NHSL1: variants seen among roughly 807,000 people sequenced by gnomAD.
The protein encoded by NHSL1 is NHS-like protein 1.
NHSL1 carries 48 observed loss-of-function variants against 95.0 expected under a neutral mutation model. The ratio of observed to expected loss-of-function variants is 0.51; its 90% confidence interval spans 0.40 to 0.64. The LOEUF (loss-of-function observed/expected upper bound fraction) is 0.64. Among genes scored for constraint, NHSL1 ranks in the 30% least tolerant of loss-of-function variants. The pLI is 0.00. For missense variants in NHSL1, 1,971 were observed against 2,077.7 expected (o/e 0.95, Z 1.00); for synonymous variants, 783 against 833.9 (o/e 0.94, Z 1.05).
chr6:138,456,473 C>T (rs1777618847), intron 3 of NHSL1, among the ~76,000 whole-genome samples: 1 of 152,154 alleles, frequency 6.6e-6, no homozygotes, highest in Non-Finnish European at 1.5e-5. Context: ...TAACAGGAAA[C>T]AGGGAAATTT....
upstream of NHSL1, among the ~76,000 whole-genome samples, chr6:138,500,854 A>G (rs924757505): frequency 2.0e-4 from 31 of 152,128 alleles, no homozygotes; most frequent in African/African-American, 6.8e-4. Context: ...TATCATACAT[A>G]TTATCACAGA....
At chr6:138,475,675 G>A (rs1001476823) in intron 2 of NHSL1, among the ~76,000 whole-genome samples, 4 of 152,124 alleles carry the variant, frequency 2.6e-5, no homozygotes, top group African/African-American at 7.2e-5. Context: ...GCCGGGCATG[G>A]TGGCTCACAC....
intron 2 of NHSL1, among the ~76,000 whole-genome samples, chr6:138,475,942 A>C (rs898815665): frequency 1.3e-5 from 2 of 152,148 alleles, no homozygotes; most frequent in African/African-American, 4.8e-5. Context: ...CAGCCTGGGC[A>C]ACAGAGTGAG....
intron 1 of NHSL1, among the ~76,000 whole-genome samples, chr6:138,637,251 A>T (rs946195717): frequency 6.6e-6 from 1 of 152,126 alleles, no homozygotes; most frequent in Non-Finnish European, 1.5e-5. Flanking sequence ...ATCAAATCAA[A>T]GATTAAAGAC....
At chr6:138,465,724 CTTTTT>C (rs61271607) in intron 3 of NHSL1, among the ~76,000 whole-genome samples, 5,156 of 132,766 alleles carry the variant, frequency 0.039, 248 homozygotes, top group African/African-American at 0.13. Flanking sequence ...TTTTTCTTTT[CTTTTT>C]TTTTTTTTTT....
rs117528301 is a variant in NHSL1 at position 138,512,954 on chromosome 6, C to T, written c.17-16583G>A. Among the ~76,000 whole-genome samples, 932 of 152,336 alleles carry T rather than the reference C, an allele frequency of 6.1e-3. 22 individuals carry two copies. Among genetic ancestry groups the T allele is most frequent in the Admixed American group, 0.048 (729 of 15,298 alleles). Reference sequence around the variant, plus strand: ...TTCCTCCTGGTTTCCTAATAAAATGCACCTACCCTCAATCTGTTCGTGCTC... The same window carrying T: ...TTCCTCCTGGTTTCCTAATAAAATGTACCTACCCTCAATCTGTTCGTGCTC... On this transcript the variant is annotated intron_variant, in intron 1 of 4. Coordinates refer to the NHSL1 transcript ENST00000342260.
chr6:138,654,964 T>C (rs780540366), intron 1 of NHSL1, among the ~76,000 whole-genome samples: 2 of 152,174 alleles, frequency 1.3e-5, no homozygotes, highest in Admixed American at 1.3e-4. Flanking sequence ...TCTATAAGCT[T>C]TGATTTTTAA....
At chr6:138,581,520 C>T (rs369384739) in intron 1 of NHSL1, among the ~76,000 whole-genome samples, 11 of 151,718 alleles carry the variant, frequency 7.3e-5, no homozygotes, top group African/African-American at 9.7e-5. Context: ...GGTGAAACCC[C>T]GTCTCTACTG....
chr6:138,473,821 T>A (rs1282735033), intron 2 of NHSL1, among the ~76,000 whole-genome samples: 2 of 151,656 alleles, frequency 1.3e-5, no homozygotes, highest in Non-Finnish European at 2.9e-5. Flanking sequence ...GTTACCAGAT[T>A]ATGTGATGAT....
At chr6:138,682,919 C>T (rs186784259) in intron 1 of NHSL1, among the ~76,000 whole-genome samples, 1 of 152,210 alleles carries the variant, frequency 6.6e-6, no homozygotes, top group Admixed American at 6.5e-5. Flanking sequence ...CGAGGAAAGC[C>T]GAGGTGCAGG....
chr6:138,555,013 G>T (rs1397775198), intron 1 of NHSL1, among the ~76,000 whole-genome samples: 1 of 152,160 alleles, frequency 6.6e-6, no homozygotes, highest in African/African-American at 2.4e-5. Flanking sequence ...GTCTTTAAGA[G>T]TTTAAAAATA....
At chr6:138,638,752 T>G (rs967878384) in intron 1 of NHSL1, among the ~76,000 whole-genome samples, 2 of 152,198 alleles carry the variant, frequency 1.3e-5, no homozygotes, top group African/African-American at 4.8e-5. Context: ...TTGCACTAAC[T>G]TCCAACCCTC....
chr6:138,579,499 C>T lies in NHSL1; in HGVS notation c.97-83128G>A, dbSNP rs553980337. 5.3e-5 allele frequency among the ~76,000 whole-genome samples: 8 copies of T among 152,276 alleles called. No individual in the cohort carries two copies. In the East Asian group the frequency reaches 9.6e-4, roughly 18 times the overall value. ...CCATTCATATGGCCATACTGTTTCACTTTGGGAAGAAAGAAGCTTATTAAC... is the reference window on the plus strand; with the variant it reads ...CCATTCATATGGCCATACTGTTTCATTTTGGGAAGAAAGAAGCTTATTAAC... On this transcript the variant is annotated intron_variant, in intron 1 of 3. Coordinates refer to the NHSL1 transcript ENST00000491526.
intron 1 of NHSL1, among the ~76,000 whole-genome samples, chr6:138,587,491 G>A (rs1326318630): frequency 7.8e-6 from 1 of 127,948 alleles, no homozygotes. Context: ...GGCATCAAGA[G>A]CAAAACTCTG....
At chr6:138,483,292 G>A (rs570302746) in intron 2 of NHSL1, among the ~76,000 whole-genome samples, 3 of 152,162 alleles carry the variant, frequency 2.0e-5, no homozygotes, top group African/African-American at 7.2e-5. Context: ...GGGTTGGTCT[G>A]TTCTTTTTAT....
intron 7 of NHSL1, among the ~76,000 whole-genome samples, chr6:138,425,187 T>A (rs1435031271): frequency 6.6e-6 from 1 of 152,202 alleles, no homozygotes; most frequent in Admixed American, 6.5e-5. Context: ...GCCTCCCGGA[T>A]TCAAGCGATT....
chr6:138,542,540 C>A (rs539687290), intron 1 of NHSL1, among the ~76,000 whole-genome samples: 1 of 152,308 alleles, frequency 6.6e-6, no homozygotes, highest in Non-Finnish European at 1.5e-5. Context: ...CACACAAGCA[C>A]ATGATTTTGT....
At chr6:138,570,746 G>A (rs1783808851) in intron 1 of NHSL1, among the ~76,000 whole-genome samples, 1 of 152,184 alleles carries the variant, frequency 6.6e-6, no homozygotes, top group Non-Finnish European at 1.5e-5. Context: ...TCCAAAGCAG[G>A]GGGAAGCACA....
At chr6:138,576,784 C>A (rs891046394), upstream of NHSL1, among the ~76,000 whole-genome samples, 2 of 152,146 alleles carry the variant, frequency 1.3e-5, no homozygotes, top group African/African-American at 2.4e-5. Context: ...TGCATAATGA[C>A]CCCCAGGTGG....
Sources: allele counts gnomAD v4.1 joint callset (sites outside exome capture counted in the v4.1 genomes callset), GRCh38; gene constraint gnomAD v4.1.1; transcripts MANE v1.5; gene names NCBI Gene and HGNC (gene_info 2026-07-23, HGNC 2026-07-21).